The following ANKRD6 variants were observed in gnomAD, a reference collection of about 807,000 sequenced individuals.
ANKRD6 encodes ankyrin repeat domain-containing protein 6.
A neutral mutation model predicts 82.3 loss-of-function variants in ANKRD6; 56 were observed. That is an observed-to-expected ratio of 0.68 (90% CI 0.55 to 0.85). The LOEUF is 0.85. ANKRD6 is among the 40% of genes least tolerant of loss of function. The probability of loss-of-function intolerance (pLI) is 0.00; values close to 1 mark genes in which losing one functional copy is unlikely to be tolerated. For synonymous variants in ANKRD6, 347 were observed against 352.1 expected (o/e 0.99, Z 0.16); for missense variants, 852 against 907.6 (o/e 0.94, Z 0.79).
In ANKRD6 at chr6:89,606,103, A is replaced by C; in HGVS notation, c.415A>C (p.Lys139Gln). 1 of 1,564,940 alleles carries C rather than the reference A, an allele frequency of 6.4e-7. No individual in the cohort carries two copies. The highest frequency in any genetic ancestry group is 8.7e-7 in the Non-Finnish European group (1 of 1,153,556). Residue 139 changes from lysine to glutamine, a missense_variant and splice_region_variant, in exon 5 of 16, where the codon AAG (lysine) becomes CAG (glutamine). Physicochemically the swap from Lys to Gln is moderately conservative, Grantham distance 53. Transcript: ENST00000339746. ...AGGAGCCAACGTGCTTGCCAAGAAC[A>C]AGGTGAGGCCTGGCAGATGCTAGAA... is the stretch of plus-strand genomic sequence containing the variant. Reference protein sequence around the residue: ...KAGANVLAKNKAGNTALHLAC... With the variant: ...KAGANVLAKNQAGNTALHLAC...
At chr6:89,463,537 C>G (rs1774464607) in intron 1 of ANKRD6, among the ~76,000 whole-genome samples, 1 of 152,086 alleles carries the variant, frequency 6.6e-6, no homozygotes, top group Non-Finnish European at 1.5e-5. Context: ...AGTATTTCAT[C>G]AAGTTGGAGA....
intron 2 of ANKRD6, among the ~76,000 whole-genome samples, chr6:89,589,827 G>A (rs1583527779): frequency 1.3e-5 from 2 of 152,304 alleles, no homozygotes; most frequent in Middle Eastern, 6.8e-3. Flanking sequence ...AACATCTCAA[G>A]ACCCTTTGAT....
Position 89,488,619 on chromosome 6 carries a change from G to GTAAA in ANKRD6, c.-144+55245_-144+55248dup, listed in dbSNP as rs1478825171. ...TTTTAGGCCCCCAGAGCTATGCTTA[G>GTAAA]TAAAGGCTGATTTGGTTTTTAGACA... is the stretch of plus-strand genomic sequence containing the variant. On this transcript the variant is annotated intron_variant, in intron 1 of 15. Transcript: ENST00000339746. Among the ~76,000 whole-genome samples, 3 of 152,236 alleles carry GTAAA rather than the reference G, an allele frequency of 2.0e-5. No homozygotes were observed. The East Asian group carries it at 5.8e-4, about 29-fold the overall frequency.
At chr6:89,629,491 T>G in intron 15 of ANKRD6, 1 of 494,466 alleles carries the variant, frequency 2.0e-6, no homozygotes, top group South Asian at 1.9e-5. Context: ...GGTGATAACA[T>G]TGCCTTGAGT....
chr6:89,476,112 T>C (rs1449443790), intron 1 of ANKRD6, among the ~76,000 whole-genome samples: 2 of 152,240 alleles, frequency 1.3e-5, no homozygotes, highest in Non-Finnish European at 2.9e-5. Flanking sequence ...TTGTAGATTA[T>C]CATCTACATG....
intron 1 of ANKRD6, among the ~76,000 whole-genome samples, chr6:89,480,109 T>G (rs1776610461): frequency 6.6e-6 from 1 of 152,230 alleles, no homozygotes. Flanking sequence ...ACACAATTTC[T>G]GTGCTGGTTT....
chr6:89,621,280 C>G (rs1002213536), intron 9 of ANKRD6: 10 of 152,506 alleles, frequency 6.6e-5, no homozygotes, highest in African/African-American at 2.2e-4. Context: ...TAGCCAGTAG[C>G]TACTGGGTTC....
intron 1 of ANKRD6, among the ~76,000 whole-genome samples, chr6:89,541,534 A>G (rs1464933860): frequency 6.6e-6 from 1 of 151,420 alleles, no homozygotes; most frequent in Non-Finnish European, 1.5e-5. Context: ...CTGGGATTAC[A>G]GGCACCCACC....
chr6:89,551,415 G>T (rs977443496), intron 1 of ANKRD6, among the ~76,000 whole-genome samples: 4 of 152,208 alleles, frequency 2.6e-5, no homozygotes, highest in African/African-American at 9.7e-5. Flanking sequence ...TCTGGCTGAG[G>T]CTGGGGAATG....
At chr6:89,552,790 G>A (rs1667627411) in intron 1 of ANKRD6, among the ~76,000 whole-genome samples, 2 of 152,048 alleles carry the variant, frequency 1.3e-5, no homozygotes, top group African/African-American at 4.8e-5. Context: ...GAATATTAAG[G>A]CCCAAGGAAG....
chr6:89,615,101 T>G (rs1801217227), intron 7 of ANKRD6, among the ~76,000 whole-genome samples: 1 of 152,220 alleles, frequency 6.6e-6, no homozygotes, highest in Non-Finnish European at 1.5e-5. Context: ...GTCTTGGTAT[T>G]TATTGACACC....
At chr6:89,536,086 C>T (rs934536595) in intron 1 of ANKRD6, among the ~76,000 whole-genome samples, 1 of 152,178 alleles carries the variant, frequency 6.6e-6, no homozygotes, top group Non-Finnish European at 1.5e-5. Context: ...CAAAATTAGC[C>T]GGGAATGGTG....
intron 1 of ANKRD6, among the ~76,000 whole-genome samples, chr6:89,481,278 T>C (rs1214994152): frequency 6.6e-6 from 1 of 152,310 alleles, no homozygotes; most frequent in East Asian, 1.9e-4. Flanking sequence ...ACAATGTTGG[T>C]AGGAATATAA....
intron 1 of ANKRD6, among the ~76,000 whole-genome samples, chr6:89,496,648 G>A (rs1036263045): frequency 1.3e-5 from 2 of 152,006 alleles, no homozygotes; most frequent in Admixed American, 1.3e-4. Flanking sequence ...TCAGCCTCCC[G>A]AATAGCTGGG....
At chr6:89,533,267 G>C (rs1376643540) in intron 1 of ANKRD6, among the ~76,000 whole-genome samples, 1 of 152,142 alleles carries the variant, frequency 6.6e-6, no homozygotes, top group Non-Finnish European at 1.5e-5. Flanking sequence ...TACTAACTGT[G>C]ATCTTCACTT....
At position 89,623,435 on chromosome 6, in the gene ANKRD6, C is replaced by G; in HGVS notation, c.923C>G (p.Pro308Arg). Residue 308 changes from proline (P) to arginine (R), a missense_variant, in exon 11 of 16, where the codon CCC becomes CGC. Coordinates refer to ENST00000339746, the MANE Select transcript of ANKRD6 (RefSeq NM_001242809.2). ...SKGSVSAGDT[P>R]SSEQAVARKE... is the part of the protein sequence containing the mutation. ...GGCAGTGTCTCAGCAGGAGACACCC[C>G]CAGCAGTGAACAGGCTGTGGCCAGA... 1.9e-6 allele frequency: 3 copies of G among 1,612,056 alleles called. No individual in the cohort carries two copies. Among genetic ancestry groups the G allele is most frequent in the Non-Finnish European group, 2.5e-6 (3 of 1,179,124 alleles).
At chr6:89,518,474 T>A (rs1781498276) in intron 1 of ANKRD6, among the ~76,000 whole-genome samples, 1 of 149,218 alleles carries the variant, frequency 6.7e-6, no homozygotes, top group Non-Finnish European at 1.5e-5. Flanking sequence ...TGAACACGAG[T>A]CCATGGGAAC....
intron 1 of ANKRD6, among the ~76,000 whole-genome samples, chr6:89,515,034 A>G (rs939798254): frequency 2.6e-5 from 4 of 151,994 alleles, no homozygotes; most frequent in Non-Finnish European, 5.9e-5. Flanking sequence ...TTCCTATTAG[A>G]TTATCTTTTT....
intron 1 of ANKRD6, among the ~76,000 whole-genome samples, chr6:89,490,266 C>G (rs544974010): frequency 6.6e-6 from 1 of 152,354 alleles, no homozygotes; most frequent in African/African-American, 2.4e-5. Context: ...CAACCCATTA[C>G]TGGGTCTTCA....
Sources: allele counts gnomAD v4.1 joint callset (sites outside exome capture counted in the v4.1 genomes callset), GRCh38; gene constraint gnomAD v4.1.1; transcripts MANE v1.5; gene names NCBI Gene and HGNC (gene_info 2026-07-23, HGNC 2026-07-21).